Variants in PLCL1 observed in about 807,000 individuals in gnomAD.
PLCL1 encodes phospholipase C like 1 (inactive).
Under a neutral mutation model 84.4 loss-of-function variants are expected in PLCL1, and 41 were observed. That is an observed-to-expected ratio of 0.49 (90% CI 0.38 to 0.63). The LOEUF (loss-of-function observed/expected upper bound fraction) is 0.63, where lower values mean the gene tolerates loss of function less well. PLCL1 is among the 30% of genes least tolerant of loss of function. PLCL1 has a pLI of 0.00. For missense variants in PLCL1, 1,206 were observed against 1,367.8 expected (o/e 0.88, Z 1.87); for synonymous variants, 490 against 488.3 (o/e 1.00, Z -0.05).
At chr2:197,905,210 T>A (rs189242744) in intron 1 of PLCL1, among the ~76,000 whole-genome samples, 134 of 152,182 alleles carry the variant, frequency 8.8e-4, no homozygotes, top group African/African-American at 3.2e-3. Context: ...AAGCCCCACA[T>A]GCATTAGGTA....
intron 1 of PLCL1, among the ~76,000 whole-genome samples, chr2:197,990,581 A>G (rs565750594): frequency 6.6e-6 from 1 of 152,242 alleles, no homozygotes; most frequent in East Asian, 1.9e-4. Context: ...GTTCAGGGGA[A>G]CTGCGCTTTA....
chr2:197,962,907 C>T (rs1042509340), intron 1 of PLCL1, among the ~76,000 whole-genome samples: 15 of 152,012 alleles, frequency 9.9e-5, no homozygotes, highest in African/African-American at 3.6e-4. Flanking sequence ...GGAAGGATAT[C>T]ATTCTTTTTT....
intron 2 of PLCL1, 59 bp from the exon 3 acceptor site, chr2:198,088,799 G>A: frequency 1.1e-6 from 1 of 940,944 alleles, no homozygotes; most frequent in Non-Finnish European, 1.8e-6. Flanking sequence ...AAACCTGGGA[G>A]TGCTGGCGGT....
At chr2:197,945,898 A>C (rs1689262040) in intron 1 of PLCL1, among the ~76,000 whole-genome samples, 2 of 152,158 alleles carry the variant, frequency 1.3e-5, no homozygotes, top group African/African-American at 4.8e-5. Flanking sequence ...ATTACATTAA[A>C]GTAATATATG....
At chr2:197,866,734 C>T (rs1476838262) in intron 1 of PLCL1, among the ~76,000 whole-genome samples, 1 of 152,150 alleles carries the variant, frequency 6.6e-6, no homozygotes, top group Non-Finnish European at 1.5e-5. Context: ...CAGCTCCAAG[C>T]ACCCACTCTG....
intron 1 of PLCL1, among the ~76,000 whole-genome samples, chr2:197,876,807 T>C (rs979709275): frequency 1.3e-5 from 2 of 152,142 alleles, no homozygotes; most frequent in Non-Finnish European, 1.5e-5. Context: ...TCAAAATCCA[T>C]TTACAAATAA....
chr2:197,944,222 T>G (rs1190431533), intron 1 of PLCL1, among the ~76,000 whole-genome samples: 2 of 127,196 alleles, frequency 1.6e-5, no homozygotes, highest in East Asian at 2.0e-4. Flanking sequence ...GTCTTTTTTC[T>G]TTTTTCTGAA....
chr2:198,103,924 T>C lies in PLCL1; in HGVS notation c.3093T>C (p.Ile1031=), dbSNP rs375536960. 10 of 1,588,556 alleles carry C rather than the reference T, an allele frequency of 6.3e-6. No individual in the cohort carries two copies. The African/African-American group carries it at 6.8e-5, about 11-fold the overall frequency. Residue 1031 remains isoleucine, a synonymous_variant, in exon 5 of 6, where the codon ATT becomes ATC. Transcript: ENST00000428675. ...NKATESFAWN[I]TVLKGQGDLL... Reference sequence around the variant, plus strand: ...CAACTGAGAGCTTTGCTTGGAACATTACAGTATTGAAGGTAGATGAAACAC... The same window carrying C: ...CAACTGAGAGCTTTGCTTGGAACATCACAGTATTGAAGGTAGATGAAACAC...
At chr2:197,948,558 T>A (rs887578670) in intron 1 of PLCL1, among the ~76,000 whole-genome samples, 11 of 152,158 alleles carry the variant, frequency 7.2e-5, no homozygotes, top group Non-Finnish European at 1.5e-4. Context: ...AATATTTGGC[T>A]TTCTAAAGGG....
chr2:197,968,050 A>C lies in PLCL1; in HGVS notation c.241-115708A>C, dbSNP rs576306019. On this transcript the variant is annotated intron_variant, in intron 1 of 5. Coordinates refer to ENST00000428675, the MANE Select transcript of PLCL1 (RefSeq NM_006226.4). The stretch of plus-strand genomic sequence containing the variant: ...CCATTATTGAGCTTAATTGTCTTTC[A>C]CTTATTATTCTAGTGACATTCTATT... 3.3e-5 allele frequency among the ~76,000 whole-genome samples: 5 copies of C among 152,242 alleles called. No individual in the cohort carries two copies. In the South Asian group the frequency reaches 8.3e-4, roughly 25 times the overall value.
chr2:198,105,720 AG>A (rs1476094837), intron 5 of PLCL1, among the ~76,000 whole-genome samples: 1 of 151,574 alleles, frequency 6.6e-6, no homozygotes. Context: ...CTTCTGGGGA[AG>A]ATTCCAACAC....
chr2:197,986,522 T>A (rs1690221670), intron 1 of PLCL1, among the ~76,000 whole-genome samples: 1 of 152,148 alleles, frequency 6.6e-6, no homozygotes, highest in African/African-American at 2.4e-5. Context: ...GGTTAATTTT[T>A]TAAATTTTGT....
At chr2:197,905,625 C>T (rs1436232958) in intron 1 of PLCL1, among the ~76,000 whole-genome samples, 2 of 152,128 alleles carry the variant, frequency 1.3e-5, no homozygotes, top group East Asian at 1.9e-4. Flanking sequence ...AATGGGATTG[C>T]TGGGTCAAAT....
intron 1 of PLCL1, among the ~76,000 whole-genome samples, chr2:198,067,495 T>G (rs1553515636): frequency 1.3e-5 from 2 of 152,206 alleles, no homozygotes; most frequent in Non-Finnish European, 2.9e-5. Context: ...AGATAATTAG[T>G]GTAAGTAACA....
At chr2:197,848,190 T>A (rs1463294777) in intron 1 of PLCL1, among the ~76,000 whole-genome samples, 2 of 152,172 alleles carry the variant, frequency 1.3e-5, no homozygotes, top group Non-Finnish European at 2.9e-5. Context: ...AACTGTTTCA[T>A]TGAAAGGTAA....
chr2:197,860,344 G>A (rs1574916913), intron 1 of PLCL1, among the ~76,000 whole-genome samples: 1 of 152,064 alleles, frequency 6.6e-6, no homozygotes, highest in South Asian at 2.1e-4. Context: ...ACACATGTGT[G>A]CATGTGTCTT....
intron 5 of PLCL1, among the ~76,000 whole-genome samples, chr2:198,106,074 T>G (rs1693467450): frequency 6.6e-6 from 1 of 151,968 alleles, no homozygotes; most frequent in Non-Finnish European, 1.5e-5. Flanking sequence ...GAATTAACAA[T>G]TTAATACTCA....
At chr2:197,879,635 T>C (rs1434022400) in intron 1 of PLCL1, among the ~76,000 whole-genome samples, 1 of 152,184 alleles carries the variant, frequency 6.6e-6, no homozygotes, top group Non-Finnish European at 1.5e-5. Context: ...CTTTAATTTG[T>C]GAGGCTGTAA....
intron 1 of PLCL1, among the ~76,000 whole-genome samples, chr2:198,040,437 C>T (rs1334046717): frequency 6.6e-6 from 1 of 152,076 alleles, no homozygotes; most frequent in Non-Finnish European, 1.5e-5. Context: ...AGCTTTTCCC[C>T]AAGACCTATC....
Sources: allele counts gnomAD v4.1 joint callset (sites outside exome capture counted in the v4.1 genomes callset), GRCh38; gene constraint gnomAD v4.1.1; transcripts MANE v1.5; gene names NCBI Gene and HGNC (gene_info 2026-07-23, HGNC 2026-07-21).